Variants in PIP5K1B observed in about 807,000 individuals in gnomAD.
PIP5K1B encodes phosphatidylinositol 4-phosphate 5-kinase type-1 beta.
Under a neutral mutation model 67.0 loss-of-function variants are expected in PIP5K1B, and 42 were observed. The observed-to-expected ratio is 0.63, with a 90% CI of 0.49 to 0.81. PIP5K1B has a LOEUF of 0.81. Ranked by LOEUF, PIP5K1B falls within the 30% of genes least tolerant of loss-of-function variation. PIP5K1B has a pLI of 0.00. For synonymous variants in PIP5K1B, 214 were observed against 231.4 expected, an observed-to-expected ratio of 0.92 and a Z score of 0.68; for missense variants, 459 against 646.3, an observed-to-expected ratio of 0.71 and a Z score of 3.14.
chr9:68,858,854 G>A (rs1822913862), intron 4 of PIP5K1B, among the ~76,000 whole-genome samples: 1 of 152,234 alleles, frequency 6.6e-6, no homozygotes, highest in South Asian at 2.1e-4. Context: ...TTTATAGATA[G>A]TGTGCTGTAG....
chr9:68,712,397 T>C (rs1196393207), intron 1 of PIP5K1B, among the ~76,000 whole-genome samples: 1 of 152,236 alleles, frequency 6.6e-6, no homozygotes, highest in Non-Finnish European at 1.5e-5. Flanking sequence ...TTTATGGCAA[T>C]GCAAAAACAG....
intron 8 of PIP5K1B, among the ~76,000 whole-genome samples, chr9:68,908,563 A>G (rs937255643): frequency 3.3e-5 from 5 of 152,306 alleles, no homozygotes; most frequent in African/African-American, 1.2e-4. Context: ...CTGCTTTGCC[A>G]GCCAAAATTG....
At chr9:68,738,758 G>A (rs1031546508) in intron 1 of PIP5K1B, among the ~76,000 whole-genome samples, 2 of 152,138 alleles carry the variant, frequency 1.3e-5, no homozygotes, top group Non-Finnish European at 2.9e-5. Flanking sequence ...CTGAGAAGGG[G>A]CCCCTTTTCT....
chr9:68,739,897 A>T (rs1276677331), intron 1 of PIP5K1B: 1 of 152,288 alleles, frequency 6.6e-6, no homozygotes, highest in Non-Finnish European at 1.5e-5. Flanking sequence ...CCACAGGTAC[A>T]TTCTGGGGTC....
chr9:68,943,934 GCTGT>G (rs1437850786), intron 14 of PIP5K1B, among the ~76,000 whole-genome samples: 1 of 152,092 alleles, frequency 6.6e-6, no homozygotes, highest in Admixed American at 6.5e-5. Context: ...GTGGGAAACT[GCTGT>G]CTCTTAGAAT....
intron 5 of PIP5K1B, among the ~76,000 whole-genome samples, chr9:68,875,295 CAAAAAAAAAAAAA>C (rs147022066): frequency 1.8e-4 from 8 of 44,870 alleles, no homozygotes; most frequent in Non-Finnish European, 2.5e-4. Context: ...TGGTACTCAG[CAAAAAAAAAAAAA>C]AAAAAAAAAA....
chr9:69,008,416 A>C (rs762310267), intron 15 of PIP5K1B, 31 bp from the exon 16 acceptor site: 2 of 1,611,934 alleles, frequency 1.2e-6, no homozygotes, highest in East Asian at 4.5e-5. Flanking sequence ...GCCAAAATCT[A>C]GTCTCACACC....
At chr9:68,858,718 A>G (rs753932684) in intron 4 of PIP5K1B, among the ~76,000 whole-genome samples, 5 of 152,232 alleles carry the variant, frequency 3.3e-5, no homozygotes, top group African/African-American at 1.2e-4. Flanking sequence ...GCAAACATCT[A>G]TATTGGCCAT....
intron 1 of PIP5K1B, among the ~76,000 whole-genome samples, chr9:68,731,005 A>G (rs576440324): frequency 6.6e-6 from 1 of 152,362 alleles, no homozygotes; most frequent in East Asian, 1.9e-4. Flanking sequence ...ATGCTTCTTC[A>G]ATCATTAACC....
At chr9:68,895,838 C>G (rs1025718941) in intron 8 of PIP5K1B, among the ~76,000 whole-genome samples, 5 of 152,038 alleles carry the variant, frequency 3.3e-5, no homozygotes, top group Non-Finnish European at 7.4e-5. Flanking sequence ...TCTTTGGAGT[C>G]AGTACTATTC....
chr9:68,971,680 C>T (rs1441932347), intron 14 of PIP5K1B, among the ~76,000 whole-genome samples: 3 of 152,178 alleles, frequency 2.0e-5, no homozygotes, highest in East Asian at 1.9e-4. Context: ...TTTTAATGAT[C>T]GCCATTCTAA....
intron 5 of PIP5K1B, among the ~76,000 whole-genome samples, chr9:68,871,572 G>A (rs1262651868): frequency 6.6e-6 from 1 of 152,208 alleles, no homozygotes; most frequent in Non-Finnish European, 1.5e-5. Flanking sequence ...ATATCAGAAT[G>A]CCAGAGCTGG....
intron 14 of PIP5K1B, among the ~76,000 whole-genome samples, chr9:68,955,583 T>C (rs1364874927): frequency 1.3e-5 from 2 of 152,232 alleles, no homozygotes; most frequent in African/African-American, 4.8e-5. Flanking sequence ...GGGAACTGGA[T>C]ATTTTTGTTT....
chr9:68,934,766 C>T (rs990446295), intron 12 of PIP5K1B, 124 bp from the exon 13 acceptor site: 80 of 584,626 alleles, frequency 1.4e-4, no homozygotes, highest in Admixed American at 2.0e-4. Context: ...ATAAAATAAG[C>T]GTCTTGTCTT....
At chr9:68,829,444 AC>A (rs1232731409) in intron 4 of PIP5K1B, among the ~76,000 whole-genome samples, 2 of 151,870 alleles carry the variant, frequency 1.3e-5, no homozygotes, top group Admixed American at 6.6e-5. Flanking sequence ...TTCTGCCTCC[AC>A]CCCCCAGGAA....
rs748828942 is a variant in PIP5K1B, at chr9:68,780,860, G to T, written c.-85-37601G>T. 4.8e-5 allele frequency: 77 copies of T among 1,614,252 alleles called. 2 individuals carry two copies. The South Asian group carries it at 7.7e-4, about 16-fold the overall frequency. ...TGCTTTCTTCTGACGTTGCACAGCT[G>T]TCAGATCCTGGTGTGTGTGTATCTT... On this transcript the variant is annotated intron_variant, in intron 2 of 15. Transcript: ENST00000265382.
At chr9:68,794,635 T>G (rs760246131) in intron 2 of PIP5K1B, among the ~76,000 whole-genome samples, 6 of 152,006 alleles carry the variant, frequency 3.9e-5, no homozygotes, top group Non-Finnish European at 8.8e-5. Flanking sequence ...CAATTATTTC[T>G]GTAACTTTGG....
chr9:68,788,438 T>C, intron 2 of PIP5K1B: 1 of 515,578 alleles, frequency 1.9e-6, no homozygotes, highest in Non-Finnish European at 3.5e-6. Flanking sequence ...TAACTACAAG[T>C]TAATTTTATC....
intron 8 of PIP5K1B, among the ~76,000 whole-genome samples, chr9:68,896,155 T>C (rs1046633235): frequency 2.0e-5 from 3 of 152,220 alleles, no homozygotes; most frequent in Non-Finnish European, 4.4e-5. Context: ...AGAACACACA[T>C]ATTTTAGTAG....
Sources: gnomAD v4.1 joint callset for allele counts (sites outside exome capture counted in the v4.1 genomes callset) on GRCh38, gnomAD v4.1.1 for gene constraint, MANE v1.5 for transcripts, NCBI Gene and HGNC (gene_info 2026-07-23, HGNC 2026-07-21) for gene names.